WDR59: variants seen among roughly 807,000 people sequenced by gnomAD.
WDR59 encodes WD repeat domain 59, also known as GATOR2 complex protein WDR59.
In WDR59, 100 loss-of-function variants were observed where a neutral mutation model predicts 131.2. The observed-to-expected ratio is 0.76, with a 90% CI of 0.65 to 0.90. The LOEUF is 0.90. WDR59 is among the 40% of genes least tolerant of loss of function. The pLI is 0.00. For synonymous variants in WDR59, 601 were observed against 466.2 expected, an observed-to-expected ratio of 1.29 and a Z score of -3.72; for missense variants, 1,203 against 1,262.2, an observed-to-expected ratio of 0.95 and a Z score of 0.71.
intron 8 of WDR59, among the ~76,000 whole-genome samples, chr16:74,924,212 G>A (rs2030549507): frequency 6.6e-6 from 1 of 152,144 alleles, no homozygotes; most frequent in Non-Finnish European, 1.5e-5. Flanking sequence ...GAGAATTTCT[G>A]GACTTTATGA....
intron 2 of WDR59, among the ~76,000 whole-genome samples, chr16:74,964,913 A>C (rs2033706270): frequency 6.6e-6 from 1 of 152,022 alleles, no homozygotes; most frequent in Non-Finnish European, 1.5e-5. Flanking sequence ...AAATACAAAA[A>C]ATGAGCTGGG....
At chr16:74,951,913 G>A (rs2033022243) in intron 3 of WDR59, among the ~76,000 whole-genome samples, 3 of 152,010 alleles carry the variant, frequency 2.0e-5, no homozygotes, top group Admixed American at 1.3e-4. Flanking sequence ...CGTCTCCCCA[G>A]CTGCTGGTAC....
chr16:74,939,708 G>A (rs940070482), intron 7 of WDR59, among the ~76,000 whole-genome samples: 16 of 152,256 alleles, frequency 1.1e-4, no homozygotes, highest in African/African-American at 3.9e-4. Flanking sequence ...CAGTCTCCAG[G>A]CTGGGTGGAG....
rs540818971 is a variant in WDR59 at position 74,968,241 on chromosome 16, CTA to C, written c.55-2421_55-2420del. On this transcript the variant is annotated intron_variant, in intron 1 of 25. Coordinates refer to ENST00000262144, the MANE Select transcript of WDR59 (RefSeq NM_030581.4). ...ATTTAGTCTCATCAGTCCTTTAAAT[CTA>C]TGTCTAGATGTCAGAGACAGGAAGT... Among the ~76,000 whole-genome samples, 336 of 152,220 alleles carry C rather than the reference CTA, an allele frequency of 2.2e-3. 1 individual carries two copies. Among genetic ancestry groups the C allele is most frequent in the African/African-American group, 7.4e-3 (306 of 41,544 alleles).
chr16:74,958,880 T>A (rs1407351076), intron 2 of WDR59, among the ~76,000 whole-genome samples: 4 of 151,458 alleles, frequency 2.6e-5, no homozygotes, highest in Admixed American at 6.6e-5. Context: ...CCGACCAACA[T>A]GGAGAAACCC....
rs908747197 is a variant in WDR59 at position 74,891,512 on chromosome 16, G to A, written c.2082+972C>T. Among the ~76,000 whole-genome samples the A allele has an allele frequency of 1.1e-4, 16 of 152,318 alleles. 1 individual carries two copies. The highest frequency in any genetic ancestry group is 3.4e-3 in the Middle Eastern group (1 of 294). On this transcript the variant is annotated intron_variant, in intron 20 of 25. Coordinates refer to ENST00000262144, the MANE Select transcript of WDR59 (RefSeq NM_030581.4). Reference sequence around the variant, plus strand: ...TACTACCCTGGCTGACAATTTAGACGTGTTATTTCCTCACTGATAATACAC... The same window carrying A: ...TACTACCCTGGCTGACAATTTAGACATGTTATTTCCTCACTGATAATACAC...
chr16:74,877,910 T>C (rs146780696), intron 25 of WDR59, among the ~76,000 whole-genome samples: 63 of 152,374 alleles, frequency 4.1e-4, no homozygotes, highest in African/African-American at 1.4e-3. Flanking sequence ...TCTTTAGGCA[T>C]GTAATAACTT....
intron 20 of WDR59, 47 bp downstream of exon 20, chr16:74,892,437 G>C (rs1412248376): frequency 2.7e-6 from 4 of 1,466,598 alleles, no homozygotes; most frequent in Non-Finnish European, 3.8e-6. Flanking sequence ...AAAACAATTT[G>C]CTCCTGAAGA....
At chr16:74,921,663 C>A (rs2030242299) in intron 10 of WDR59, among the ~76,000 whole-genome samples, 1 of 152,182 alleles carries the variant, frequency 6.6e-6, no homozygotes, top group Non-Finnish European at 1.5e-5. Context: ...CAGAAACAAT[C>A]CAACAGCAAA....
chr16:74,977,045 A>C (rs1348083440), intron 1 of WDR59, among the ~76,000 whole-genome samples: 3 of 152,102 alleles, frequency 2.0e-5, no homozygotes, highest in Non-Finnish European at 4.4e-5. Flanking sequence ...CCATAAATTT[A>C]ACTGCATTAA....
At chr16:74,958,485 C>T (rs2033400683) in intron 2 of WDR59, among the ~76,000 whole-genome samples, 1 of 147,626 alleles carries the variant, frequency 6.8e-6, no homozygotes, top group African/African-American at 2.5e-5. Context: ...CCCAGCCACT[C>T]AGGAGGCTGA....
chr16:74,911,527 G>A (rs889337864), intron 14 of WDR59, among the ~76,000 whole-genome samples: 7 of 152,138 alleles, frequency 4.6e-5, no homozygotes, highest in Non-Finnish European at 1.0e-4. Context: ...GCTTTGTCAT[G>A]GAGATTCCAC....
rs560141808 is a variant in WDR59 at position 74,888,534 on chromosome 16, T to A, written c.2196-215A>T. On this transcript the variant is annotated intron_variant, in intron 21 of 25. Transcript: ENST00000262144. ...TGTTTTGGAATATAAGGCATCCACG[T>A]ACTACAAATGATCTACAGAACGCAT... is the stretch of plus-strand genomic sequence containing the variant. 2.6e-5 allele frequency among the ~76,000 whole-genome samples: 4 copies of A among 152,332 alleles called. No individual in the cohort carries two copies. The East Asian group carries it at 5.8e-4, about 22-fold the overall frequency.
chr16:74,921,128 T>C (rs1178592277), intron 10 of WDR59, among the ~76,000 whole-genome samples: 1 of 152,138 alleles, frequency 6.6e-6, no homozygotes, highest in African/African-American at 2.4e-5. Flanking sequence ...GGGGTTCATG[T>C]GCAGGTTTGT....
intron 7 of WDR59, among the ~76,000 whole-genome samples, chr16:74,941,646 G>C (rs1363949069): frequency 6.6e-6 from 1 of 150,420 alleles, no homozygotes; most frequent in Non-Finnish European, 1.5e-5. Flanking sequence ...GTGAGCCAAG[G>C]TCCCCACTGT....
intron 17 of WDR59, among the ~76,000 whole-genome samples, chr16:74,904,505 C>T (rs9927384): frequency 0.38 from 58,309 of 151,930 alleles, 11,594 homozygotes; most frequent in African/African-American, 0.49. Context: ...ATACAAAATG[C>T]TGATGAGAGA....
chr16:74,909,811 A>G lies in WDR59; in HGVS notation c.1485+11T>C, dbSNP rs775606368. 6 of 1,607,230 alleles carry G rather than the reference A, an allele frequency of 3.7e-6. No homozygotes were observed. Among genetic ancestry groups the G allele is most frequent in the African/African-American group, 1.3e-5 (1 of 74,492 alleles). ...AAGCCTAAGTTGGTATGACAGTTTC[A>G]TGCTTCCCACCACAAAGGACTCAAG... On this transcript the variant is annotated intron_variant, in intron 15 of 25. Transcript: ENST00000262144.
Position 74,889,643 on chromosome 16 carries a change from T to G in WDR59, c.2195+60A>C, listed in dbSNP as rs143231731. The G allele has an allele frequency of 4.1e-4, 554 of 1,365,220 alleles. 4 individuals carry two copies. In the African/African-American group the frequency reaches 7.2e-3, roughly 18 times the overall value. The allele number at this position is 1,365,220 out of a possible 1,614,324, so 84.6% of individuals were successfully genotyped here. A position where few individuals can be genotyped will look rare whatever the true frequency, so the allele number is the denominator to read the frequency against. On this transcript the variant is annotated intron_variant, in intron 21 of 25. Transcript: ENST00000262144. Reference sequence around the variant, plus strand: ...TTCTCTTAGGTGGTGACATTTCAAGTGTTTACAGACCAAAAATGGACATCA... The same window carrying G: ...TTCTCTTAGGTGGTGACATTTCAAGGGTTTACAGACCAAAAATGGACATCA...
intron 3 of WDR59, among the ~76,000 whole-genome samples, chr16:74,956,044 TC>T (rs2033273775): frequency 6.6e-6 from 1 of 152,144 alleles, no homozygotes; most frequent in African/African-American, 2.4e-5. Context: ...AAGAATCCCT[TC>T]CTTTGAATAG....
Sources: allele counts gnomAD v4.1 joint callset (sites outside exome capture counted in the v4.1 genomes callset), GRCh38; gene constraint gnomAD v4.1.1; transcripts MANE v1.5; gene names NCBI Gene and HGNC (gene_info 2026-07-23, HGNC 2026-07-21).